Variants in ABHD3 observed in about 807,000 individuals in gnomAD.
ABHD3 encodes phospholipase ABHD3.
A neutral mutation model predicts 48.8 loss-of-function variants in ABHD3; 46 were observed. The observed-to-expected ratio is 0.94, with a 90% CI of 0.74 to 1.20. The LOEUF is 1.20. Ranked by LOEUF, ABHD3 falls within the 50% of genes most tolerant of loss-of-function variation. The probability of loss-of-function intolerance (pLI) is 0.00; values close to 1 mark genes in which losing one functional copy is unlikely to be tolerated. For missense variants in ABHD3, 490 were observed against 497.8 expected, an observed-to-expected ratio of 0.98 and a Z score of 0.15; for synonymous variants, 192 against 183.7, an observed-to-expected ratio of 1.04 and a Z score of -0.36.
At chr18:21,685,072 C>T (rs866161604) in intron 3 of ABHD3, among the ~76,000 whole-genome samples, 3 of 152,332 alleles carry the variant, frequency 2.0e-5, no homozygotes, top group Middle Eastern at 3.4e-3. Flanking sequence ...CAGGCAGCCA[C>T]AGGCCCAGAT....
chr18:21,693,378 G>A (rs946388819), intron 3 of ABHD3, among the ~76,000 whole-genome samples: 4 of 152,174 alleles, frequency 2.6e-5, no homozygotes, highest in African/African-American at 9.7e-5. Context: ...GGTAGTGTAT[G>A]ACAGAGTTAG....
rs1183269805 is a variant in ABHD3 at position 21,651,197 on chromosome 18, A to G, written c.*394T>C. 1.3e-5 allele frequency: 2 copies of G among 155,760 alleles called. No individual in the cohort carries two copies. Among genetic ancestry groups the G allele is most frequent in the African/African-American group, 4.8e-5 (2 of 41,476 alleles). The allele number at this position is 155,760 out of a possible 1,614,324, so 9.6% of individuals were successfully genotyped here. A position where few individuals can be genotyped will look rare whatever the true frequency, so the allele number is the denominator to read the frequency against. On this transcript the variant is annotated 3_prime_UTR_variant, in exon 9 of 9. Transcript: ENST00000289119. ...CTTATAACTTACATTGAAATAGCCA[A>G]TATTTCTTAGTAGTTATTAAAGTAC...
At chr18:21,696,614 T>C (rs896535897) in intron 3 of ABHD3, among the ~76,000 whole-genome samples, 7 of 152,234 alleles carry the variant, frequency 4.6e-5, no homozygotes, top group African/African-American at 1.2e-4. Context: ...ATCAATCATA[T>C]AGGTATAAAT....
intron 4 of ABHD3, among the ~76,000 whole-genome samples, chr18:21,680,880 G>GTGTGTA (rs1555681025): frequency 6.8e-6 from 1 of 147,176 alleles, no homozygotes; most frequent in Non-Finnish European, 1.5e-5. Context: ...GTGTGTGTGT[G>GTGTGTA]TATATATATA....
chr18:21,663,601 A>C (rs2039550798), intron 5 of ABHD3: 3 of 1,433,648 alleles, frequency 2.1e-6, no homozygotes, highest in South Asian at 2.5e-5. Flanking sequence ...GGGGTTAACA[A>C]AATTTCAGTT....
chr18:21,667,974 G>A (rs907967530), intron 4 of ABHD3, among the ~76,000 whole-genome samples: 14 of 151,898 alleles, frequency 9.2e-5, no homozygotes, highest in African/African-American at 3.4e-4. Context: ...GCTGAGGCTG[G>A]TGGATCACCT....
intron 3 of ABHD3, chr18:21,702,020 T>G: frequency 4.5e-6 from 1 of 219,818 alleles, no homozygotes. Flanking sequence ...CACTCTCCAT[T>G]GGGGTGGGGA....
chr18:21,683,244 A>T (rs2040048153), intron 4 of ABHD3, among the ~76,000 whole-genome samples: 1 of 152,208 alleles, frequency 6.6e-6, no homozygotes, highest in African/African-American at 2.4e-5. Flanking sequence ...TCTCATTCCA[A>T]CTCACGGATT....
intron 4 of ABHD3, among the ~76,000 whole-genome samples, chr18:21,680,872 G>A (rs1465994121): frequency 1.3e-5 from 2 of 151,224 alleles, no homozygotes; most frequent in East Asian, 1.9e-4. Flanking sequence ...GTGTGTGTGT[G>A]TGTGTGTGTA....
At chr18:21,687,277 C>T (rs1346567290) in intron 3 of ABHD3, among the ~76,000 whole-genome samples, 7 of 151,682 alleles carry the variant, frequency 4.6e-5, no homozygotes, top group South Asian at 4.2e-4. Context: ...GGCGCAATCT[C>T]GGCTCACTGC....
At position 21,659,301 on chromosome 18, in the gene ABHD3, C is replaced by T. The variant is rs368455344; in HGVS notation, c.711G>A (p.Thr237=). 25 of 1,612,664 alleles carry T rather than the reference C, an allele frequency of 1.6e-5. No individual in the cohort carries two copies. The highest frequency in any genetic ancestry group is 8.0e-5 in the African/African-American group (6 of 74,796). Residue 237 remains threonine (T), a synonymous_variant, in exon 6 of 9, where the codon ACG becomes ACA. Coordinates refer to ENST00000289119, the MANE Select transcript of ABHD3 (RefSeq NM_138340.5). ...AAAAAGTTGCAGCTGCCATCAAAGG[C>T]GTTTTGGACCCAATTTTGCCCAAGT... is the stretch of plus-strand genomic sequence containing the variant. ...LNYLGKIGSK[T]PLMAAATFSV... is the part of the protein sequence containing the mutation.
At chr18:21,674,394 A>C (rs1188099779) in intron 4 of ABHD3, among the ~76,000 whole-genome samples, 1 of 152,024 alleles carries the variant, frequency 6.6e-6, no homozygotes, top group Non-Finnish European at 1.5e-5. Flanking sequence ...GGCACGTGCC[A>C]CCATGCCCAT....
chr18:21,660,261 T>A (rs1330077406), intron 5 of ABHD3, among the ~76,000 whole-genome samples: 1 of 151,104 alleles, frequency 6.6e-6, no homozygotes, highest in African/African-American at 2.4e-5. Context: ...TGAGAGATTG[T>A]GAGTTAACTG....
Position 21,683,913 on chromosome 18 carries a change from T to C in ABHD3, c.555+7A>G, listed in dbSNP as rs1478297847. Reference sequence around the variant, plus strand: ...AGTTAAGACTGTTGTCATTTAAATTTACTTACCAAGAGATTCTCCCCCGCC... The same window carrying C: ...AGTTAAGACTGTTGTCATTTAAATTCACTTACCAAGAGATTCTCCCCCGCC... On this transcript the variant is annotated splice_region_variant and intron_variant, in intron 4 of 8. Coordinates refer to ENST00000289119, the MANE Select transcript of ABHD3 (RefSeq NM_138340.5). The C allele has an allele frequency of 3.8e-6, 6 of 1,588,778 alleles. No individual in the cohort carries two copies. The East Asian group carries it at 9.1e-5, about 24-fold the overall frequency.
intron 3 of ABHD3, among the ~76,000 whole-genome samples, chr18:21,690,101 TG>T: frequency 7.8e-6 from 1 of 128,596 alleles, no homozygotes; most frequent in Middle Eastern, 3.9e-3. Context: ...GGTGGTGGGG[TG>T]GGGGAGCTTG....
chr18:21,702,218 T>C (rs972839081), intron 3 of ABHD3, 98 bp downstream of exon 3: 12 of 1,104,106 alleles, frequency 1.1e-5, no homozygotes, highest in East Asian at 2.6e-5. Flanking sequence ...TGCTTTTCTA[T>C]GCAAGAAGTA....
chr18:21,661,088 A>T (rs1270167090), intron 5 of ABHD3, among the ~76,000 whole-genome samples: 19 of 150,292 alleles, frequency 1.3e-4, no homozygotes, highest in African/African-American at 4.7e-4. Context: ...CACCAAAAGA[A>T]AAAAACTACA....
chr18:21,698,239 G>A (rs1347053523), intron 3 of ABHD3, among the ~76,000 whole-genome samples: 1 of 151,332 alleles, frequency 6.6e-6, no homozygotes, highest in Admixed American at 6.6e-5. Context: ...AGCCTGGAGT[G>A]CAATGGTGCG....
chr18:21,692,201 C>T (rs2040267404), intron 3 of ABHD3, among the ~76,000 whole-genome samples: 1 of 152,186 alleles, frequency 6.6e-6, no homozygotes, highest in South Asian at 2.1e-4. Context: ...CCACCTGCCT[C>T]AGCCTCCCAA....
Sources: allele counts gnomAD v4.1 joint callset (sites outside exome capture counted in the v4.1 genomes callset), GRCh38; gene constraint gnomAD v4.1.1; transcripts MANE v1.5; gene names NCBI Gene and HGNC (gene_info 2026-07-23, HGNC 2026-07-21).